SPAG16: variants seen among roughly 807,000 people sequenced by gnomAD.
SPAG16 encodes the protein sperm associated antigen 16, also known as sperm-associated antigen 16 protein.
A neutral mutation model predicts 80.4 loss-of-function variants in SPAG16; 86 were observed. The observed-to-expected ratio is 1.07, with a 90% CI of 0.90 to 1.28. The LOEUF (loss-of-function observed/expected upper bound fraction) is 1.28. Among genes scored for constraint, SPAG16 ranks in the 50% most tolerant of loss-of-function variants. SPAG16 has a pLI of 0.00. For synonymous variants in SPAG16, 294 were observed against 265.9 expected (o/e 1.11, Z -1.03); for missense variants, 870 against 765.3 (o/e 1.14, Z -1.61).
At chr2:213,765,961 T>C (rs377614994) in intron 10 of SPAG16, among the ~76,000 whole-genome samples, 11 of 152,204 alleles carry the variant, frequency 7.2e-5, no homozygotes, top group African/African-American at 2.7e-4. Flanking sequence ...CAAACAAGAA[T>C]GAATGTAACA....
At chr2:214,059,066 G>C (rs1036202672) in intron 13 of SPAG16, among the ~76,000 whole-genome samples, 10 of 151,212 alleles carry the variant, frequency 6.6e-5, no homozygotes, top group Admixed American at 2.0e-4. Flanking sequence ...AAAATATCTT[G>C]CTCGGGAGGC....
At chr2:214,330,827 C>T (rs1696864692) in intron 15 of SPAG16, among the ~76,000 whole-genome samples, 1 of 152,156 alleles carries the variant, frequency 6.6e-6, no homozygotes, top group Non-Finnish European at 1.5e-5. Flanking sequence ...AATGAGGGAT[C>T]AAGTGGGGTA....
At chr2:213,589,805 C>A (rs1160511944) in intron 10 of SPAG16, among the ~76,000 whole-genome samples, 1 of 151,846 alleles carries the variant, frequency 6.6e-6, no homozygotes, top group Non-Finnish European at 1.5e-5. Flanking sequence ...ACCTGTAATC[C>A]CACCTATTCG....
At chr2:213,651,691 G>A (rs2063029985) in intron 10 of SPAG16, among the ~76,000 whole-genome samples, 1 of 152,062 alleles carries the variant, frequency 6.6e-6, no homozygotes, top group South Asian at 2.1e-4. Flanking sequence ...AATATCAAGG[G>A]AAGGAATTTC....
intron 10 of SPAG16, among the ~76,000 whole-genome samples, chr2:213,774,437 G>A (rs952592342): frequency 1.3e-5 from 2 of 152,122 alleles, no homozygotes; most frequent in African/African-American, 4.8e-5. Context: ...TTTTTCGTGT[G>A]TCTGTCTGCA....
At chr2:213,423,419 G>T (rs1266271677) in intron 9 of SPAG16, among the ~76,000 whole-genome samples, 2 of 152,136 alleles carry the variant, frequency 1.3e-5, no homozygotes, top group Non-Finnish European at 2.9e-5. Flanking sequence ...GCAGTGTGTT[G>T]AAAATTAGAC....
At chr2:213,805,504 C>G (rs1457830251) in intron 10 of SPAG16, among the ~76,000 whole-genome samples, 1 of 152,158 alleles carries the variant, frequency 6.6e-6, no homozygotes, top group East Asian at 1.9e-4. Flanking sequence ...AGATAAGATA[C>G]AGGGAAGTAC....
chr2:213,362,144 A>G (rs1295608879), intron 7 of SPAG16, among the ~76,000 whole-genome samples: 1 of 152,224 alleles, frequency 6.6e-6, no homozygotes, highest in African/African-American at 2.4e-5. Context: ...CAAACAATAA[A>G]GTCAGGTTCC....
chr2:213,662,836 T>C (rs1296992509), intron 10 of SPAG16, among the ~76,000 whole-genome samples: 1 of 152,098 alleles, frequency 6.6e-6, no homozygotes, highest in Non-Finnish European at 1.5e-5. Flanking sequence ...AGAGATCAGA[T>C]TGTATTAAAG....
Position 213,610,496 on chromosome 2 carries a change from A to G in SPAG16, c.1070+120406A>G, listed in dbSNP as rs138687854. 2.6e-3 allele frequency among the ~76,000 whole-genome samples: 399 copies of G among 152,250 alleles called. 1 individual carries two copies. The highest frequency in any genetic ancestry group is 4.1e-3 in the Admixed American group (62 of 15,292). ...CCAGACCTCCTGTTCTCCCCATCCC[A>G]TAACCTTTTTATCACCATAACCTGT... On this transcript the variant is annotated intron_variant, in intron 10 of 15. Coordinates refer to ENST00000331683, the MANE Select transcript of SPAG16 (RefSeq NM_024532.5).
chr2:213,518,462 C>A (rs990320291), intron 10 of SPAG16, among the ~76,000 whole-genome samples: 1 of 152,130 alleles, frequency 6.6e-6, no homozygotes, highest in Admixed American at 6.5e-5. Context: ...GCTTTGTTGC[C>A]TAATCTGGCC....
At chr2:213,619,892 C>G (rs1237397751) in intron 10 of SPAG16, among the ~76,000 whole-genome samples, 1 of 151,996 alleles carries the variant, frequency 6.6e-6, no homozygotes, top group Non-Finnish European at 1.5e-5. Context: ...TTCACAGTAG[C>G]CAAGATATGG....
chr2:213,702,928 T>C (rs759573407), intron 10 of SPAG16, among the ~76,000 whole-genome samples: 1 of 152,188 alleles, frequency 6.6e-6, no homozygotes, highest in Non-Finnish European at 1.5e-5. Flanking sequence ...TTGCCGTGAC[T>C]GTGTTAGTGT....
chr2:213,956,140 G>A (rs564714844), intron 12 of SPAG16, among the ~76,000 whole-genome samples: 3 of 151,812 alleles, frequency 2.0e-5, no homozygotes, highest in Non-Finnish European at 4.4e-5. Flanking sequence ...ATTATTAGTA[G>A]AGATGGGGTT....
chr2:213,673,582 A>T (rs2063908898), intron 10 of SPAG16, among the ~76,000 whole-genome samples: 1 of 152,222 alleles, frequency 6.6e-6, no homozygotes, highest in South Asian at 2.1e-4. Flanking sequence ...CACATTGCAG[A>T]AGAGGATACA....
chr2:213,903,136 G>A (rs923036158), intron 11 of SPAG16, among the ~76,000 whole-genome samples: 6 of 152,134 alleles, frequency 3.9e-5, no homozygotes, highest in African/African-American at 1.4e-4. Context: ...GGGGCACAGT[G>A]CAAGCTGTCA....
chr2:214,280,766 A>G (rs1202255779), intron 15 of SPAG16: 1 of 440,738 alleles, frequency 2.3e-6, no homozygotes, highest in African/African-American at 2.1e-5. Flanking sequence ...GCGTCTTCTC[A>G]TAGACTAGAT....
Position 214,339,653 on chromosome 2 carries a change from ATC to A in SPAG16, c.1721-70485_1721-70484del, listed in dbSNP as rs1473213572. Among the ~76,000 whole-genome samples the A allele has an allele frequency of 7.9e-5, 12 of 152,334 alleles. No homozygotes were observed. The South Asian group carries it at 2.5e-3, about 32-fold the overall frequency. ...ATTTGTTCTTACTTGCACCTATTTT[ATC>A]TGTCATTTCCTGCAAAATAAACTTC... On this transcript the variant is annotated intron_variant, in intron 15 of 15. Transcript: ENST00000331683.
chr2:213,998,041 C>A (rs1252855569), intron 12 of SPAG16, among the ~76,000 whole-genome samples: 1 of 152,152 alleles, frequency 6.6e-6, no homozygotes, highest in Non-Finnish European at 1.5e-5. Flanking sequence ...AACTAAAATA[C>A]TGGAAGTTTC....
Sources: allele counts gnomAD v4.1 joint callset (sites outside exome capture counted in the v4.1 genomes callset), GRCh38; gene constraint gnomAD v4.1.1; transcripts MANE v1.5; gene names NCBI Gene and HGNC (gene_info 2026-07-23, HGNC 2026-07-21).